The following ZFAND4 variants were observed in gnomAD, a reference collection of about 807,000 sequenced individuals.
ZFAND4 encodes zinc finger AN1-type containing 4.
A neutral mutation model predicts 64.4 loss-of-function variants in ZFAND4; 43 were observed. That is an observed-to-expected ratio of 0.67 (90% CI 0.52 to 0.86). The LOEUF is 0.86. Ranked by LOEUF, ZFAND4 falls within the 40% of genes least tolerant of loss-of-function variation. ZFAND4 has a pLI of 0.00. For missense variants in ZFAND4, 929 were observed against 859.8 expected (o/e 1.08, Z -1.01); for synonymous variants, 296 against 305.7 (o/e 0.97, Z 0.33).
At chr10:45,618,582 T>C (rs533933025) in intron 8 of ZFAND4, among the ~76,000 whole-genome samples, 1 of 152,286 alleles carries the variant, frequency 6.6e-6, no homozygotes, top group East Asian at 1.9e-4. Context: ...TAAAGAAAAA[T>C]GTCTGCTTCA....
At chr10:45,618,904 T>A (rs1196422829) in intron 8 of ZFAND4, among the ~76,000 whole-genome samples, 1 of 152,206 alleles carries the variant, frequency 6.6e-6, no homozygotes, top group Non-Finnish European at 1.5e-5. Context: ...TTAATAATAG[T>A]AACTAACAGT....
intron 5 of ZFAND4, among the ~76,000 whole-genome samples, chr10:45,645,837 A>C (rs1041150295): frequency 4.6e-5 from 7 of 152,318 alleles, no homozygotes; most frequent in Non-Finnish European, 8.8e-5. Flanking sequence ...TTCAAAATTC[A>C]TTTAAATGTG....
At position 45,626,900 on chromosome 10, in the gene ZFAND4, T is replaced by A; in HGVS notation, c.923A>T (p.Tyr308Phe). The change falls in exon 7 of 10, where the codon TAC becomes TTC. Residue 308 changes from tyrosine (Y) to phenylalanine (F), a missense_variant. Transcript: ENST00000344646. Reference sequence around the variant, plus strand: ...AAATTCACCAGTGATAGAAGATATGTATCTCTCAGCAGAGAGTTGAGTTGC... The same window carrying A: ...AAATTCACCAGTGATAGAAGATATGAATCTCTCAGCAGAGAGTTGAGTTGC... ...SLATQLSAER[Y>F]ISSITGEFLK... 1 of 1,614,242 alleles carries A rather than the reference T, an allele frequency of 6.2e-7. No homozygotes were observed. Among genetic ancestry groups the A allele is most frequent in the Non-Finnish European group, 8.5e-7 (1 of 1,180,036 alleles).
Position 45,626,019 on chromosome 10 carries a change from G to A in ZFAND4, c.1804C>T (p.Leu602Phe). 1 of 1,614,132 alleles carries A rather than the reference G, an allele frequency of 6.2e-7. No homozygotes were observed. The highest frequency in any genetic ancestry group is 2.2e-5 in the East Asian group (1 of 44,878). ...AAGTTTTCTTCCTGAAAATGCTGGA[G>A]GTTTGTAGACAGCCCAGTTCCAGAG... ...QNSGTGLSTN[L>F]QHFQEENFRK... The change falls in exon 7 of 10, where the codon CTC becomes TTC. Residue 602 changes from leucine (L) to phenylalanine (F), a missense_variant. Physicochemically the swap from Leu to Phe is conservative, Grantham distance 22 (BLOSUM62 0). Transcript: ENST00000344646.
chr10:45,655,473 A>C (rs1589403374), intron 2 of ZFAND4, among the ~76,000 whole-genome samples: 1 of 152,346 alleles, frequency 6.6e-6, no homozygotes, highest in Non-Finnish European at 1.5e-5. Flanking sequence ...AAACAAGAAC[A>C]AACCAAACCC....
Position 45,639,889 on chromosome 10 carries a change from A to G in ZFAND4, c.644T>C (p.Ile215Thr). The G allele has an allele frequency of 1.2e-6, 2 of 1,613,630 alleles. No homozygotes were observed. Among genetic ancestry groups the G allele is most frequent in the Non-Finnish European group, 1.7e-6 (2 of 1,179,920 alleles). The change falls in exon 6 of 10, where the codon ATT (isoleucine) becomes ACT (threonine). Residue 215 changes from isoleucine (I) to threonine (T), a missense_variant. Coordinates refer to ENST00000344646, the MANE Select transcript of ZFAND4 (RefSeq NM_174890.4). ...CTTATTCATAGTTATTGAATTTTCAATTATCTGTTGCCCAGAAGAAGAAGG... is the reference window on the plus strand; with the variant it reads ...CTTATTCATAGTTATTGAATTTTCAGTTATCTGTTGCCCAGAAGAAGAAGG... The part of the protein sequence containing the change: ...TEPSSSGQQI[I>T]ENSITMNKMK...
intron 1 of ZFAND4, among the ~76,000 whole-genome samples, chr10:45,666,681 T>C (rs2048847792): frequency 6.6e-6 from 1 of 152,256 alleles, no homozygotes; most frequent in Admixed American, 6.5e-5. Flanking sequence ...AATTTCAATT[T>C]AGTTTTGTGT....
At chr10:45,640,258 G>C (rs2046892753) in intron 5 of ZFAND4, 15 of 1,214,676 alleles carry the variant, frequency 1.2e-5, no homozygotes, top group Non-Finnish European at 1.5e-5. Flanking sequence ...TTCCCAAAGA[G>C]GCAAAATCCA....
At chr10:45,660,249 G>A (rs1165984923) in intron 2 of ZFAND4, among the ~76,000 whole-genome samples, 1 of 151,988 alleles carries the variant, frequency 6.6e-6, no homozygotes, top group African/African-American at 2.4e-5. Flanking sequence ...TACTTGAAAG[G>A]CTGAGGCACA....
At chr10:45,618,301 A>G (rs561565247) in intron 8 of ZFAND4, 41 bp from the exon 9 acceptor site, 1 of 1,597,948 alleles carries the variant, frequency 6.3e-7, no homozygotes, top group South Asian at 1.1e-5. Flanking sequence ...CAGGCATAAA[A>G]TCCTAAACAT....
At chr10:45,664,514 G>A (rs1035716732) in intron 1 of ZFAND4, among the ~76,000 whole-genome samples, 23 of 151,268 alleles carry the variant, frequency 1.5e-4, no homozygotes, top group Non-Finnish European at 2.7e-4. Flanking sequence ...TGATCCACCC[G>A]CCTCGGCCTC....
At chr10:45,624,908 G>A (rs1451004733) in intron 7 of ZFAND4, among the ~76,000 whole-genome samples, 1 of 152,124 alleles carries the variant, frequency 6.6e-6, no homozygotes, top group Non-Finnish European at 1.5e-5. Context: ...GAGGTGAGAG[G>A]ATTGCTTGAG....
chr10:45,618,408 T>G, intron 8 of ZFAND4, 148 bp from the exon 9 acceptor site: 1 of 1,021,332 alleles, frequency 9.8e-7, no homozygotes, highest in East Asian at 3.1e-5. Context: ...TAAAATTACT[T>G]ATAAAATCTA....
At chr10:45,620,584 C>T (rs76831684) in intron 8 of ZFAND4, among the ~76,000 whole-genome samples, 9,681 of 152,162 alleles carry the variant, frequency 0.064, 436 homozygotes, top group African/African-American at 0.12. Flanking sequence ...TGAGAGCAGC[C>T]TCCATACATC....
rs114760788 is a variant in ZFAND4, at chr10:45,659,136, G to A, written c.184+4406C>T. 9.6e-3 allele frequency among the ~76,000 whole-genome samples: 1,464 copies of A among 152,298 alleles called. 28 individuals are homozygous for A. The highest frequency in any genetic ancestry group is 0.034 in the African/African-American group (1,395 of 41,558). ...GAGACTGGGAAATTATTGAGGGCCAGAAACCAGGCCCCTCTAGCCTCCCTA... is the reference window on the plus strand; with the variant it reads ...GAGACTGGGAAATTATTGAGGGCCAAAAACCAGGCCCCTCTAGCCTCCCTA... On this transcript the variant is annotated intron_variant, in intron 2 of 9. Transcript: ENST00000344646.
chr10:45,663,536 G>T lies in ZFAND4; in HGVS notation c.184+6C>A, dbSNP rs1171595763. On this transcript the variant is annotated splice_donor_region_variant and intron_variant, in intron 2 of 9. Transcript: ENST00000344646. ...TCATATCCTAAAAACAAAGAAAGAT[G>T]AGTACCTTCCAATCTTCGAATTTTT... 1 of 1,575,208 alleles carries T rather than the reference G, an allele frequency of 6.3e-7. No homozygotes were observed.
chr10:45,647,096 G>A (rs2047434983), intron 5 of ZFAND4, among the ~76,000 whole-genome samples: 1 of 152,142 alleles, frequency 6.6e-6, no homozygotes, highest in Non-Finnish European at 1.5e-5. Context: ...GGGCATGATG[G>A]ACATCTAGCT....
Position 45,616,570 on chromosome 10 carries a change from A to G in ZFAND4, c.2050T>C (p.Cys684Arg). The G allele has an allele frequency of 6.2e-7, 1 of 1,613,980 alleles. No individual in the cohort carries two copies. Among genetic ancestry groups the G allele is most frequent in the Non-Finnish European group, 8.5e-7 (1 of 1,179,944 alleles). The change falls in exon 10 of 10, where the codon TGT becomes CGT. Residue 684 changes from cysteine to arginine, a missense_variant and splice_region_variant. Cys to Arg is a radical substitution (Grantham distance 180). Transcript: ENST00000344646. Reference protein sequence around the residue: ...TGLASSYECRCGNNFCASHRY... With the variant: ...TGLASSYECRRGNNFCASHRY... ...TGAGATGCACAGAAGTTGTTTCCAC[A>G]TCTAAAGCACAAAAAAAGTTTACGT...
intron 8 of ZFAND4, among the ~76,000 whole-genome samples, chr10:45,622,761 T>C (rs999799813): frequency 2.0e-5 from 3 of 152,248 alleles, no homozygotes; most frequent in African/African-American, 7.2e-5. Flanking sequence ...TTGGGTTTTA[T>C]AGTGGCTTTC....
Sources: gnomAD v4.1 joint callset for allele counts (sites outside exome capture counted in the v4.1 genomes callset) on GRCh38, gnomAD v4.1.1 for gene constraint, MANE v1.5 for transcripts, NCBI Gene and HGNC (gene_info 2026-07-23, HGNC 2026-07-21) for gene names.